Variants in FOXJ3 observed in about 807,000 individuals in gnomAD.
FOXJ3 encodes the protein forkhead box protein J3.
FOXJ3 carries 22 observed loss-of-function variants against 76.1 expected under a neutral mutation model. The ratio of observed to expected loss-of-function variants is 0.29; its 90% confidence interval spans 0.21 to 0.41. The LOEUF is 0.41. Among genes scored for constraint, FOXJ3 ranks in the 10% least tolerant of loss-of-function variants. The pLI, the probability that FOXJ3 is intolerant of heterozygous loss-of-function variation, is 1.00. For synonymous variants in FOXJ3, 269 were observed against 261.2 expected (o/e 1.03, Z -0.29); for missense variants, 613 against 762.1 (o/e 0.80, Z 2.30).
rs557613927 is a variant in FOXJ3, at chr1:42,306,405, C to T, written c.44+4645G>A. ...GCAACCTCCACCTCCCAGGTTCAGG[C>T]GATTCTCCTGCCTCAGCCTCCCGAG... is the stretch of plus-strand genomic sequence containing the variant. On this transcript the variant is annotated intron_variant, in intron 2 of 12. Coordinates refer to ENST00000361346, the MANE Select transcript of FOXJ3 (RefSeq NM_014947.5). Among the ~76,000 whole-genome samples the T allele has an allele frequency of 8.1e-5, 12 of 148,282 alleles. No individual in the cohort carries two copies. In the South Asian group the frequency reaches 2.5e-3, roughly 31 times the overall value.
chr1:42,295,636 C>T (rs1014934941), intron 2 of FOXJ3, among the ~76,000 whole-genome samples: 2 of 144,702 alleles, frequency 1.4e-5, no homozygotes, highest in Non-Finnish European at 3.0e-5. Context: ...TCAAGCGATT[C>T]TCCTGCCTCT....
chr1:42,195,899 A>G (rs1646641614), intron 7 of FOXJ3, among the ~76,000 whole-genome samples: 1 of 152,262 alleles, frequency 6.6e-6, no homozygotes, highest in Non-Finnish European at 1.5e-5. Flanking sequence ...ACCTTGGTGG[A>G]ACACCCTGTG....
At chr1:42,301,964 G>A (rs1654178155) in intron 2 of FOXJ3, among the ~76,000 whole-genome samples, 1 of 151,940 alleles carries the variant, frequency 6.6e-6, no homozygotes, top group South Asian at 2.1e-4. Flanking sequence ...GCTTTCATTT[G>A]GATGTGATTT....
At chr1:42,325,381 G>A (rs551180366) in intron 1 of FOXJ3, among the ~76,000 whole-genome samples, 16 of 152,238 alleles carry the variant, frequency 1.1e-4, no homozygotes, top group East Asian at 5.8e-4. Context: ...CTTTCTAGTC[G>A]AAAAGAAGAA....
chr1:42,190,569 G>T (rs1646521355), intron 9 of FOXJ3, among the ~76,000 whole-genome samples: 1 of 152,140 alleles, frequency 6.6e-6, no homozygotes, highest in South Asian at 2.1e-4. Flanking sequence ...AGGTTCAAAG[G>T]AATTATATGA....
At chr1:42,321,139 T>C (rs1037723869) in intron 1 of FOXJ3, among the ~76,000 whole-genome samples, 6 of 152,166 alleles carry the variant, frequency 3.9e-5, no homozygotes, top group African/African-American at 7.2e-5. Context: ...TTTATAATCA[T>C]TTATATCCCA....
At chr1:42,276,535 T>C (rs114551992) in intron 3 of FOXJ3, among the ~76,000 whole-genome samples, 3,561 of 152,220 alleles carry the variant, frequency 0.023, 140 homozygotes, top group African/African-American at 0.082. Context: ...CAAACAAAAG[T>C]ATAGCACGTC....
intron 5 of FOXJ3, among the ~76,000 whole-genome samples, chr1:42,225,690 C>A (rs191993893): frequency 2.7e-3 from 410 of 152,192 alleles, no homozygotes; most frequent in African/African-American, 9.6e-3. Context: ...AAGTAAATTT[C>A]TGAATATTTT....
chr1:42,181,893 A>ACACT, intron 12 of FOXJ3, 24 bp downstream of exon 12: 1 of 1,338,384 alleles, frequency 7.5e-7, no homozygotes, highest in African/African-American at 1.6e-5. Flanking sequence ...ACACACACAC[A>ACACT]CTCACTCTCT....
At chr1:42,188,309 C>T (rs1007184859) in intron 11 of FOXJ3, among the ~76,000 whole-genome samples, 2 of 152,172 alleles carry the variant, frequency 1.3e-5, no homozygotes, top group African/African-American at 2.4e-5. Flanking sequence ...TTTTCCATTA[C>T]GTCTACTCTT....
At chr1:42,296,730 T>C (rs1653814352) in intron 2 of FOXJ3, among the ~76,000 whole-genome samples, 1 of 152,236 alleles carries the variant, frequency 6.6e-6, no homozygotes, top group African/African-American at 2.4e-5. Flanking sequence ...TAATTTGAAG[T>C]CAGGCAATCT....
rs1413959785 is a variant in FOXJ3, at chr1:42,194,946, C to T, written c.878G>A (p.Ser293Asn). Residue 293 changes from serine (S) to asparagine (N), a missense_variant, in exon 8 of 13, where the codon AGT (serine) becomes AAT (asparagine). Ser to Asn is a conservative substitution (Grantham distance 46). Coordinates refer to ENST00000361346, the MANE Select transcript of FOXJ3 (RefSeq NM_014947.5). ...CTTATAAAGGCTCCGAAATGAGGCA[C>T]TAAGATCTTCAAAATTATATTCTGA... is the stretch of plus-strand genomic sequence containing the variant. ...LFSEYNFEDL[S>N]ASFRSLYKSV... 1.9e-6 allele frequency: 3 copies of T among 1,613,170 alleles called. No individual in the cohort carries two copies. Among genetic ancestry groups the T allele is most frequent in the South Asian group, 2.2e-5 (2 of 90,948 alleles).
At chr1:42,256,594 C>T (rs967427611) in intron 4 of FOXJ3, among the ~76,000 whole-genome samples, 3 of 152,106 alleles carry the variant, frequency 2.0e-5, no homozygotes, top group African/African-American at 7.2e-5. Flanking sequence ...CAACTGTTGG[C>T]CATGGGAAGC....
Position 42,195,180 on chromosome 1 carries a change from TTCTG to T in FOXJ3, c.760-120_760-117del. Reference sequence around the variant, plus strand: ...CATTGGAATTCAAAGAAAATAACTCTTCTGTCTTAGGCTTTCCCATCCTCTGTTA... The same window carrying T: ...CATTGGAATTCAAAGAAAATAACTCTTCTTAGGCTTTCCCATCCTCTGTTA... On this transcript the variant is annotated intron_variant, in intron 7 of 12. Transcript: ENST00000361346. The T allele has an allele frequency of 4.0e-6, 3 of 756,100 alleles. No individual in the cohort carries two copies. In the South Asian group the frequency reaches 7.3e-5, roughly 18 times the overall value. The allele number at this position is 756,100 out of a possible 1,614,324, so 46.8% of individuals were successfully genotyped here.
Position 42,331,866 on chromosome 1 carries a change from G to A in FOXJ3, c.-18+3193C>T, listed in dbSNP as rs571059113. Among the ~76,000 whole-genome samples the A allele has an allele frequency of 1.2e-3, 176 of 151,658 alleles. 3 individuals carry two copies. The highest frequency in any genetic ancestry group is 2.2e-3 in the Non-Finnish European group (151 of 67,950). On this transcript the variant is annotated intron_variant, in intron 1 of 12. Transcript: ENST00000361346. Reference sequence around the variant, plus strand: ...AGAATAAAAGTTTAAGGAGAGAAGCGTTAAAGTATAAAATCACTGGCTTTG... The same window carrying A: ...AGAATAAAAGTTTAAGGAGAGAAGCATTAAAGTATAAAATCACTGGCTTTG...
intron 4 of FOXJ3, among the ~76,000 whole-genome samples, chr1:42,255,813 G>A (rs1650541437): frequency 6.6e-6 from 1 of 152,114 alleles, no homozygotes; most frequent in African/African-American, 2.4e-5. Context: ...ACAAGGTCAG[G>A]AGTTCAAGAC....
At chr1:42,239,583 A>G (rs968401130) in intron 4 of FOXJ3, among the ~76,000 whole-genome samples, 5 of 152,200 alleles carry the variant, frequency 3.3e-5, no homozygotes, top group African/African-American at 1.2e-4. Context: ...CTACTCATCA[A>G]TTGTCACACA....
chr1:42,251,582 G>T (rs543083361), intron 4 of FOXJ3, among the ~76,000 whole-genome samples: 1 of 151,960 alleles, frequency 6.6e-6, no homozygotes, highest in African/African-American at 2.4e-5. Flanking sequence ...CTTTGGTTCT[G>T]TTTATATGCT....
intron 4 of FOXJ3, among the ~76,000 whole-genome samples, chr1:42,229,119 C>T (rs1295531969): frequency 1.3e-5 from 2 of 152,134 alleles, no homozygotes; most frequent in African/African-American, 4.8e-5. Context: ...ATACCAATGA[C>T]AAACTCATAT....
Sources: gnomAD v4.1 joint callset for allele counts (sites outside exome capture counted in the v4.1 genomes callset) on GRCh38, gnomAD v4.1.1 for gene constraint, MANE v1.5 for transcripts, NCBI Gene and HGNC (gene_info 2026-07-23, HGNC 2026-07-21) for gene names.